Variants in FAM240B observed in about 807,000 individuals in gnomAD.
FAM240B encodes family with sequence similarity 240 member B.
chr9:38,710,557 G>C (rs151255792), intron 1 of FAM240B, among the ~76,000 whole-genome samples: 3 of 152,282 alleles, frequency 2.0e-5, no homozygotes, highest in South Asian at 2.1e-4. Context: ...CTCATGGGTA[G>C]AGGGCAATAG....
chr9:38,707,191 G>A (rs902628432), intron 1 of FAM240B, among the ~76,000 whole-genome samples: 31 of 152,200 alleles, frequency 2.0e-4, no homozygotes, highest in Admixed American at 1.7e-3. Context: ...AGGATAGCTT[G>A]GTCAAACAGG....
At chr9:38,714,445 C>T (rs1230218438) in intron 1 of FAM240B, among the ~76,000 whole-genome samples, 1 of 152,220 alleles carries the variant, frequency 6.6e-6, no homozygotes, top group Non-Finnish European at 1.5e-5. Flanking sequence ...TTGTCTGATA[C>T]TCCCCTCTCT....
intron 1 of FAM240B, among the ~76,000 whole-genome samples, chr9:38,708,611 T>C (rs1564000844): frequency 6.6e-6 from 1 of 152,150 alleles, no homozygotes. Context: ...CCCCTTTGCT[T>C]AGCCATGAAG....
chr9:38,696,600 A>G (rs1183250088), intron 2 of FAM240B, among the ~76,000 whole-genome samples: 1 of 152,132 alleles, frequency 6.6e-6, no homozygotes, highest in Non-Finnish European at 1.5e-5. Flanking sequence ...ACCAGGTCAG[A>G]AGATCGAGAC....
intron 2 of FAM240B, among the ~76,000 whole-genome samples, chr9:38,700,665 C>T (rs1307992352): frequency 6.6e-6 from 1 of 152,242 alleles, no homozygotes; most frequent in East Asian, 1.9e-4. Flanking sequence ...ACACTCGACT[C>T]TTCTCGAATT....
At chr9:38,713,350 C>A (rs562204865) in intron 1 of FAM240B, among the ~76,000 whole-genome samples, 3 of 151,914 alleles carry the variant, frequency 2.0e-5, no homozygotes, top group African/African-American at 7.2e-5. Context: ...TGGTGGCGAG[C>A]GCCTGTAGTC....
chr9:38,698,140 C>A (rs1410966947), intron 2 of FAM240B, among the ~76,000 whole-genome samples: 1 of 151,866 alleles, frequency 6.6e-6, no homozygotes, highest in Non-Finnish European at 1.5e-5. Flanking sequence ...CCCTTGGTCT[C>A]GACTTAAAAA....
intron 1 of FAM240B, among the ~76,000 whole-genome samples, chr9:38,709,126 A>T (rs1033632340): frequency 1.3e-5 from 2 of 152,148 alleles, no homozygotes; most frequent in African/African-American, 4.8e-5. Flanking sequence ...GACAGTTGCC[A>T]CTGTGCTGAC....
chr9:38,717,255 AG>A (rs1334425017), intron 1 of FAM240B, among the ~76,000 whole-genome samples: 1 of 152,110 alleles, frequency 6.6e-6, no homozygotes, highest in Non-Finnish European at 1.5e-5. Flanking sequence ...ATTTATTCAA[AG>A]AAAATCCCCA....
intron 2 of FAM240B, among the ~76,000 whole-genome samples, chr9:38,700,997 T>C (rs1821119624): frequency 6.6e-6 from 1 of 152,234 alleles, no homozygotes; most frequent in Non-Finnish European, 1.5e-5. Flanking sequence ...AAGACATTAC[T>C]GGATTTGTTC....
intron 1 of FAM240B, among the ~76,000 whole-genome samples, chr9:38,708,398 G>A (rs947851894): frequency 2.6e-5 from 4 of 152,094 alleles, no homozygotes; most frequent in East Asian, 1.9e-4. Context: ...AGCAGGAACC[G>A]GGATTGGAGT....
At chr9:38,699,206 A>G (rs1391408648) in intron 2 of FAM240B, among the ~76,000 whole-genome samples, 2 of 152,216 alleles carry the variant, frequency 1.3e-5, no homozygotes, top group African/African-American at 4.8e-5. Context: ...TTTCTCCTTG[A>G]TAAGTCCGGG....
chr9:38,707,955 G>A (rs1229959586), intron 1 of FAM240B, among the ~76,000 whole-genome samples: 2 of 152,134 alleles, frequency 1.3e-5, no homozygotes, highest in Admixed American at 6.5e-5. Flanking sequence ...AACTTTGGAA[G>A]GACTTAGGAG....
intron 1 of FAM240B, among the ~76,000 whole-genome samples, chr9:38,711,260 C>G (rs892753876): frequency 2.6e-5 from 4 of 152,236 alleles, no homozygotes; most frequent in African/African-American, 4.8e-5. Flanking sequence ...CTGACACCAG[C>G]ACCAAACGTG....
chr9:38,709,925 G>A (rs902499866), intron 1 of FAM240B, among the ~76,000 whole-genome samples: 1 of 152,202 alleles, frequency 6.6e-6, no homozygotes, highest in African/African-American at 2.4e-5. Flanking sequence ...TGTGTATGCA[G>A]ATGGAAGAGA....
At chr9:38,705,073 G>C (rs1693882390) in intron 1 of FAM240B, among the ~76,000 whole-genome samples, 1 of 152,236 alleles carries the variant, frequency 6.6e-6, no homozygotes, top group Non-Finnish European at 1.5e-5. Flanking sequence ...TCACTTTCCA[G>C]ATCTTAGGAG....
At chr9:38,703,618 AC>A (rs1395059585) in intron 2 of FAM240B, among the ~76,000 whole-genome samples, 12 of 151,958 alleles carry the variant, frequency 7.9e-5, no homozygotes, top group African/African-American at 2.9e-4. Flanking sequence ...TGCATGTGTG[AC>A]CCCCTCCTCT....
intron 2 of FAM240B, among the ~76,000 whole-genome samples, chr9:38,702,072 A>C (rs1821134811): frequency 6.6e-6 from 1 of 152,202 alleles, no homozygotes; most frequent in Non-Finnish European, 1.5e-5. Context: ...TCTGGAAGGG[A>C]AGATACAGCA....
intron 1 of FAM240B, among the ~76,000 whole-genome samples, chr9:38,718,864 A>C (rs948288914): frequency 2.0e-5 from 3 of 152,148 alleles, no homozygotes; most frequent in Non-Finnish European, 4.4e-5. Flanking sequence ...TTACCATATT[A>C]ATACTAACAT....
Sources: gnomAD v4.1 joint callset for allele counts (sites outside exome capture counted in the v4.1 genomes callset) on GRCh38, gnomAD v4.1.1 for gene constraint, MANE v1.5 for transcripts, NCBI Gene and HGNC (gene_info 2026-07-23, HGNC 2026-07-21) for gene names.